Variants in KLF12 observed in about 807,000 individuals in gnomAD.
KLF12 encodes the protein Krueppel-like factor 12.
A neutral mutation model predicts 37.8 loss-of-function variants in KLF12; 9 were observed. The ratio of observed to expected loss-of-function variants is 0.24; its 90% CI spans 0.14 to 0.42. The LOEUF (loss-of-function observed/expected upper bound fraction) is 0.42, where lower values mean the gene tolerates loss of function less well. Ranked by LOEUF, KLF12 falls within the 10% of genes least tolerant of loss-of-function variation. The pLI is 1.00. For synonymous variants in KLF12, 208 were observed against 202.1 expected (o/e 1.03, Z -0.25); for missense variants, 411 against 516.0 (o/e 0.80, Z 1.97).
the KLF12 span, among the ~76,000 whole-genome samples, chr13:74,194,742 G>A: frequency 6.6e-6 from 1 of 152,222 alleles, no homozygotes; most frequent in Non-Finnish European, 1.5e-5. Context: ...CTTAGTGATA[G>A]GAAAAAAACA....
Position 73,943,964 on chromosome 13 carries a change from T to C in KLF12, c.123+17A>G. The C allele has an allele frequency of 6.4e-7, 1 of 1,552,620 alleles. No individual in the cohort carries two copies. Among genetic ancestry groups the C allele is most frequent in the Non-Finnish European group, 8.9e-7 (1 of 1,124,868 alleles). ...CTCATCAAAAGGAGTGGGGCATTGCTGGAAACTTGTGCTTACCCCTTGTTC... is the reference window on the plus strand; with the variant it reads ...CTCATCAAAAGGAGTGGGGCATTGCCGGAAACTTGTGCTTACCCCTTGTTC... On this transcript the variant is annotated intron_variant, in intron 3 of 7. Coordinates refer to ENST00000377669, the MANE Select transcript of KLF12 (RefSeq NM_007249.5).
the KLF12 span, among the ~76,000 whole-genome samples, chr13:74,206,817 G>A: frequency 2.6e-5 from 4 of 152,240 alleles, no homozygotes; most frequent in East Asian, 3.9e-4. Context: ...GAACAAAACC[G>A]AGAACAATGT....
chr13:73,754,454 T>C (rs575287050), intron 6 of KLF12, among the ~76,000 whole-genome samples: 1 of 152,096 alleles, frequency 6.6e-6, no homozygotes, highest in South Asian at 2.1e-4. Context: ...CTGCTGGCCC[T>C]CTCCTGGGAG....
chr13:73,780,962 T>G (rs1880927550), intron 5 of KLF12, among the ~76,000 whole-genome samples: 1 of 152,208 alleles, frequency 6.6e-6, no homozygotes, highest in Admixed American at 6.5e-5. Flanking sequence ...CAGCACTGCA[T>G]GCTACAGAGA....
intron 1 of KLF12, among the ~76,000 whole-genome samples, chr13:74,040,495 AAC>A (rs755853973): frequency 2.6e-4 from 40 of 152,190 alleles, no homozygotes; most frequent in Non-Finnish European, 4.1e-4. Flanking sequence ...TTGTATCAAG[AAC>A]AGTTTCAGGA....
the KLF12 span, among the ~76,000 whole-genome samples, chr13:74,202,414 C>A: frequency 6.6e-6 from 1 of 152,108 alleles, no homozygotes; most frequent in African/African-American, 2.4e-5. Context: ...AACTCACACC[C>A]CCTCTGAGGA....
the KLF12 span, among the ~76,000 whole-genome samples, chr13:74,289,870 G>C: frequency 6.6e-6 from 1 of 152,146 alleles, no homozygotes; most frequent in African/African-American, 2.4e-5. Context: ...ATCATTAAAG[G>C]ACAGCCACCT....
the KLF12 span, among the ~76,000 whole-genome samples, chr13:74,288,575 A>T: frequency 6.6e-6 from 1 of 152,176 alleles, no homozygotes; most frequent in Non-Finnish European, 1.5e-5. Context: ...TGGTTTGCCA[A>T]GGTAGGGCAG....
intron 1 of KLF12, among the ~76,000 whole-genome samples, chr13:74,077,529 T>C (rs1455219694): frequency 6.6e-6 from 1 of 152,182 alleles, no homozygotes; most frequent in Non-Finnish European, 1.5e-5. Context: ...CTCAGAGTGA[T>C]GCACCGAAAA....
At chr13:73,905,229 T>A (rs943914985) in intron 3 of KLF12, among the ~76,000 whole-genome samples, 1 of 152,162 alleles carries the variant, frequency 6.6e-6, no homozygotes, top group Admixed American at 6.5e-5. Context: ...TAACCTGCAG[T>A]TTACCATTGC....
chr13:73,995,582 T>C (rs1892089796), intron 1 of KLF12, among the ~76,000 whole-genome samples: 1 of 152,096 alleles, frequency 6.6e-6, no homozygotes, highest in African/African-American at 2.4e-5. Context: ...ATTCGGTGGT[T>C]CCATGTCAGC....
chr13:74,207,886 G>A, the KLF12 span, among the ~76,000 whole-genome samples: 9 of 152,082 alleles, frequency 5.9e-5, no homozygotes, highest in Non-Finnish European at 5.9e-5. Flanking sequence ...AAAATCGAAA[G>A]TATAATTCCT....
rs567983419 is a variant in KLF12, at chr13:73,926,563, C to T, written c.123+17418G>A. Among the ~76,000 whole-genome samples the T allele has an allele frequency of 1.4e-4, 21 of 151,590 alleles. No homozygotes were observed. In the South Asian group the frequency reaches 3.7e-3, roughly 27 times the overall value. On this transcript the variant is annotated intron_variant, in intron 3 of 7. Transcript: ENST00000377669. ...TTATTGTGGTGCTCTGGAACCAACT[C>T]TGCAATATCTCTGAGGTGTGTCTGT...
chr13:74,050,474 C>T (rs576894791), intron 1 of KLF12, among the ~76,000 whole-genome samples: 38 of 152,196 alleles, frequency 2.5e-4, no homozygotes, highest in Non-Finnish European at 4.7e-4. Flanking sequence ...AGGATGGTTA[C>T]AGGTAAGCCT....
chr13:74,127,364 TA>T (rs1362474037), intron 1 of KLF12, among the ~76,000 whole-genome samples: 1 of 152,176 alleles, frequency 6.6e-6, no homozygotes, highest in East Asian at 1.9e-4. Context: ...AAGACCATGA[TA>T]GGGGCATTTA....
rs138511557 is a variant in KLF12 at position 74,020,885 on chromosome 13, C to T, written c.-31-25832G>A. Among the ~76,000 whole-genome samples the T allele has an allele frequency of 9.0e-3, 1,263 of 140,292 alleles. 13 individuals carry two copies. Among genetic ancestry groups the T allele is most frequent in the African/African-American group, 0.031 (1,174 of 37,310 alleles). 92.0% of individuals were successfully genotyped at this position (140,292 alleles called of 152,430 possible). On this transcript the variant is annotated intron_variant, in intron 1 of 7. Transcript: ENST00000377669. ...CAGCCTGGGCGACAGAGCCACACTC[C>T]GTCTCAAAAAAAAAAAAAAAGATGG...
chr13:74,235,403 T>A, the KLF12 span, among the ~76,000 whole-genome samples: 1 of 152,228 alleles, frequency 6.6e-6, no homozygotes. Flanking sequence ...CACTTCCCTA[T>A]GTTTATTTTA....
chr13:74,108,075 A>G (rs888838848), intron 1 of KLF12, among the ~76,000 whole-genome samples: 11 of 152,214 alleles, frequency 7.2e-5, no homozygotes, highest in African/African-American at 2.4e-4. Context: ...TCACTGTGGC[A>G]TTATTCATCT....
chr13:74,033,037 A>G (rs1417732610), intron 1 of KLF12, among the ~76,000 whole-genome samples: 1 of 152,216 alleles, frequency 6.6e-6, no homozygotes. Context: ...AATGCCAATT[A>G]AATATGCTAT....
Sources: allele counts gnomAD v4.1 joint callset (sites outside exome capture counted in the v4.1 genomes callset), GRCh38; gene constraint gnomAD v4.1.1; transcripts MANE v1.5; gene names NCBI Gene and HGNC (gene_info 2026-07-23, HGNC 2026-07-21).